Variants in CATSPERT observed in about 807,000 individuals in gnomAD.
CATSPERT encodes the protein catsper channel auxiliary subunit tau.
the CATSPERT span, among the ~76,000 whole-genome samples, chr2:201,499,196 C>A: frequency 6.6e-6 from 1 of 152,014 alleles, no homozygotes. Context: ...TCAATAAGAA[C>A]AAATGGAACT....
the CATSPERT span, chr2:201,575,439 C>A: frequency 3.2e-6 from 2 of 624,100 alleles, no homozygotes; most frequent in Non-Finnish European, 4.9e-6. Flanking sequence ...GGTCCATGGC[C>A]CATTAGGAAC....
the CATSPERT span, among the ~76,000 whole-genome samples, chr2:201,576,933 G>A: frequency 6.6e-6 from 1 of 152,216 alleles, no homozygotes; most frequent in East Asian, 1.9e-4. Context: ...TTTAAACCAC[G>A]TTAACCTTTG....
At chr2:201,534,795 C>T in the CATSPERT span, 1 of 915,952 alleles carries the variant, frequency 1.1e-6, no homozygotes, top group Non-Finnish European at 1.3e-6. Context: ...TAATTTCAAA[C>T]TTAATGTCCA....
the CATSPERT span, among the ~76,000 whole-genome samples, chr2:201,570,291 A>T: frequency 6.6e-6 from 1 of 152,134 alleles, no homozygotes; most frequent in East Asian, 1.9e-4. Flanking sequence ...ATCCCTATAC[A>T]TGTTCTCCAG....
the CATSPERT span, among the ~76,000 whole-genome samples, chr2:201,522,211 C>T: frequency 4.6e-5 from 7 of 152,160 alleles, no homozygotes; most frequent in Non-Finnish European, 5.9e-5. Flanking sequence ...GAAAGGAGGA[C>T]GTCAAATTAT....
the CATSPERT span, among the ~76,000 whole-genome samples, chr2:201,574,765 G>GT: frequency 1.3e-5 from 2 of 152,054 alleles, no homozygotes; most frequent in Non-Finnish European, 2.9e-5. Context: ...CCATCTTTCT[G>GT]TTTTTTATGT....
the CATSPERT span, chr2:201,565,823 C>A: frequency 1.7e-5 from 28 of 1,610,402 alleles, no homozygotes; most frequent in Middle Eastern, 1.6e-4. Flanking sequence ...ACATTCAGGT[C>A]TGGGGATAAG....
At chr2:201,529,286 G>A in the CATSPERT span, among the ~76,000 whole-genome samples, 1 of 151,942 alleles carries the variant, frequency 6.6e-6, no homozygotes, top group Non-Finnish European at 1.5e-5. Flanking sequence ...ACCCCAAACA[G>A]CCAAAGCAAT....
chr2:201,492,836 G>A, the CATSPERT span: 11 of 1,536,524 alleles, frequency 7.2e-6, no homozygotes, highest in East Asian at 2.5e-5. Flanking sequence ...TTGGTGATAT[G>A]TCCTGATTCT....
chr2:201,545,655 A>T, the CATSPERT span: 2 of 811,950 alleles, frequency 2.5e-6, no homozygotes, highest in Admixed American at 3.3e-5. Flanking sequence ...AAAAAAAAAG[A>T]AAAAAAAATA....
At chr2:201,566,963 T>C in the CATSPERT span, among the ~76,000 whole-genome samples, 6 of 152,322 alleles carry the variant, frequency 3.9e-5, no homozygotes, top group East Asian at 1.2e-3. Flanking sequence ...AAAGCTAGTG[T>C]TAGAAAGATT....
chr2:201,545,469 TA>T, the CATSPERT span: 1 of 1,009,024 alleles, frequency 9.9e-7, no homozygotes, highest in Non-Finnish European at 1.5e-6. Flanking sequence ...AGCAAATTAC[TA>T]ATTGTCTTTT....
At chr2:201,606,018 G>C in the CATSPERT span, among the ~76,000 whole-genome samples, 1 of 152,154 alleles carries the variant, frequency 6.6e-6, no homozygotes, top group African/African-American at 2.4e-5. Flanking sequence ...CCAGTGAAGA[G>C]AATGATAATG....
At chr2:201,556,598 A>G in the CATSPERT span, among the ~76,000 whole-genome samples, 1 of 151,988 alleles carries the variant, frequency 6.6e-6, no homozygotes, top group Admixed American at 6.5e-5. Flanking sequence ...AGCCCAAGGC[A>G]GGCAGATCAC....
chr2:201,505,102 TTG>T, the CATSPERT span, among the ~76,000 whole-genome samples: 9 of 152,178 alleles, frequency 5.9e-5, no homozygotes, highest in African/African-American at 2.2e-4. Flanking sequence ...ACTTTTTTTT[TTG>T]TTTTGTTTTG....
chr2:201,595,151 T>C, the CATSPERT span, among the ~76,000 whole-genome samples: 1 of 151,676 alleles, frequency 6.6e-6, no homozygotes, highest in Non-Finnish European at 1.5e-5. Context: ...TACAGATGGG[T>C]TTTTGGTGTG....
the CATSPERT span, among the ~76,000 whole-genome samples, chr2:201,584,791 A>G: frequency 6.6e-6 from 1 of 152,062 alleles, no homozygotes; most frequent in East Asian, 2.0e-4. Flanking sequence ...TCAAAAAAAA[A>G]GAAAGAAAGA....
chr2:201,564,785 C>G, the CATSPERT span, among the ~76,000 whole-genome samples: 1 of 152,122 alleles, frequency 6.6e-6, no homozygotes, highest in Non-Finnish European at 1.5e-5. Context: ...TCTTGGATGT[C>G]CCAGCCTCCA....
chr2:201,526,373 GC>G, the CATSPERT span, among the ~76,000 whole-genome samples: 2 of 151,714 alleles, frequency 1.3e-5, no homozygotes, highest in Non-Finnish European at 2.9e-5. Flanking sequence ...CAAAAATTAG[GC>G]GGGTGTGGTG....
Sources: gnomAD v4.1 joint callset for allele counts (sites outside exome capture counted in the v4.1 genomes callset) on GRCh38, gnomAD v4.1.1 for gene constraint, MANE v1.5 for transcripts, NCBI Gene and HGNC (gene_info 2026-07-23, HGNC 2026-07-21) for gene names.